UTY: variants seen among roughly 807,000 people sequenced by gnomAD.
The protein encoded by UTY is ubiquitously transcribed tetratricopeptide repeat containing, Y-linked.
Under a neutral mutation model 32.5 loss-of-function variants are expected in UTY, and 12 were observed. The observed-to-expected ratio is 0.37, with a 90% CI of 0.24 to 0.60. The LOEUF (loss-of-function observed/expected upper bound fraction) is 0.60, where lower values mean the gene tolerates loss of function less well. Ranked by LOEUF, UTY falls within the 20% of genes least tolerant of loss-of-function variation. UTY has a pLI of 0.69. For synonymous variants in UTY, 131 were observed against 103.4 expected, an observed-to-expected ratio of 1.27 and a Z score of -1.62; for missense variants, 303 against 299.2, an observed-to-expected ratio of 1.01 and a Z score of -0.09.
chrY:13,255,292 G>T (rs2054623358), intron 28 of UTY, among the ~76,000 whole-genome samples: 1 of 33,207 alleles, frequency 3.0e-5, no homozygotes. Context: ...GCATAAAATG[G>T]GTTATGTCCC....
chrY:13,451,412 G>GA (rs2150086165), intron 3 of UTY, among the ~76,000 whole-genome samples: 1 of 31,014 alleles, frequency 3.2e-5, no homozygotes, highest in East Asian at 8.4e-4. Flanking sequence ...ACAACTGTCA[G>GA]AAAAAAAAAG....
intron 6 of UTY, among the ~76,000 whole-genome samples, chrY:13,397,852 A>T: frequency 3.0e-5 from 1 of 33,174 alleles, no homozygotes; most frequent in African/African-American, 1.2e-4. Context: ...TAGGTCCTAA[A>T]ACTCTTTTAA....
At chrY:13,443,055 C>T in intron 4 of UTY, among the ~76,000 whole-genome samples, 1 of 33,349 alleles carries the variant, frequency 3.0e-5, no homozygotes, top group Non-Finnish European at 7.4e-5. Flanking sequence ...TGTGCATCAT[C>T]AGGAACAGGT....
intron 4 of UTY, among the ~76,000 whole-genome samples, chrY:13,434,458 C>A (rs2074346707): frequency 3.0e-5 from 1 of 33,813 alleles, no homozygotes; most frequent in African/African-American, 1.2e-4. Context: ...TCCTTGCCCT[C>A]CCAACGTAGG....
At chrY:13,421,636 A>G (rs1025497577) in intron 4 of UTY, among the ~76,000 whole-genome samples, 1 of 33,648 alleles carries the variant, frequency 3.0e-5, no homozygotes, top group Middle Eastern at 0.014. Flanking sequence ...TGGAACATTA[A>G]GCAGCCATAA....
intron 27 of UTY, among the ~76,000 whole-genome samples, chrY:13,277,024 A>G: frequency 2.9e-5 from 1 of 34,071 alleles, no homozygotes; most frequent in Non-Finnish European, 7.3e-5. Flanking sequence ...AAGTTCTTCA[A>G]ATTGAAACAA....
intron 10 of UTY, among the ~76,000 whole-genome samples, chrY:13,362,190 T>C: frequency 8.9e-5 from 3 of 33,653 alleles, no homozygotes; most frequent in Non-Finnish European, 2.2e-4. Flanking sequence ...AAACTTTCCC[T>C]TTAATGCAAC....
intron 27 of UTY, among the ~76,000 whole-genome samples, chrY:13,284,893 G>C: frequency 2.9e-5 from 1 of 34,543 alleles, no homozygotes; most frequent in Non-Finnish European, 7.3e-5. Context: ...CAGAGGCCCT[G>C]ATTGTCCCCC....
intron 28 of UTY, among the ~76,000 whole-genome samples, chrY:13,253,306 G>A: frequency 2.1e-4 from 7 of 33,459 alleles, no homozygotes; most frequent in African/African-American, 8.2e-4. Flanking sequence ...ACCAGCTAAA[G>A]CTAAAGCGGC....
At chrY:13,274,516 G>A (rs771921959) in intron 27 of UTY, among the ~76,000 whole-genome samples, 55 of 32,372 alleles carry the variant, frequency 1.7e-3, no homozygotes, top group Non-Finnish European at 2.6e-3. Flanking sequence ...AATAGGCCAG[G>A]TGCAGTGGCT....
At chrY:13,292,007 C>T (rs2057780080) in intron 27 of UTY, among the ~76,000 whole-genome samples, 1 of 33,141 alleles carries the variant, frequency 3.0e-5, no homozygotes, top group Non-Finnish European at 7.4e-5. Flanking sequence ...AAACTGAAAG[C>T]CTTTCCTTTA....
chrY:13,461,919 C>A (rs2077404494), intron 3 of UTY, among the ~76,000 whole-genome samples: 2 of 33,448 alleles, frequency 6.0e-5, no homozygotes, highest in Non-Finnish European at 1.5e-4. Flanking sequence ...CAGGCATGAG[C>A]CACCATGCCC....
chrY:13,403,744 A>T (rs997086376), intron 6 of UTY, among the ~76,000 whole-genome samples: 3 of 32,956 alleles, frequency 9.1e-5, no homozygotes, highest in Non-Finnish European at 2.2e-4. Flanking sequence ...CTAATCTTTA[A>T]TAAATTCCTT....
intron 7 of UTY, among the ~76,000 whole-genome samples, chrY:13,395,713 T>G (rs998096395): frequency 8.9e-4 from 26 of 29,249 alleles, no homozygotes; most frequent in Non-Finnish European, 1.6e-3. Context: ...AACCAAAAAC[T>G]ATGTCCCATA....
intron 3 of UTY, among the ~76,000 whole-genome samples, chrY:13,452,862 G>A (rs2076439041): frequency 5.9e-5 from 2 of 33,683 alleles, no homozygotes; most frequent in African/African-American, 1.2e-4. Flanking sequence ...TTATCCAAAT[G>A]TGAGTGAAAA....
chrY:13,336,368 G>A, intron 17 of UTY, 33 bp from the exon 18 acceptor site: 1 of 361,271 alleles, frequency 2.8e-6, no homozygotes, highest in South Asian at 3.2e-5. Flanking sequence ...TAATATCATG[G>A]GAGCTGAAAT....
At chrY:13,241,997 G>A (rs926887578) in intron 28 of UTY, among the ~76,000 whole-genome samples, 3 of 32,727 alleles carry the variant, frequency 9.2e-5, no homozygotes, top group Admixed American at 2.8e-4. Context: ...CCTGCGAGGC[G>A]GAGGTTGCAG....
At chrY:13,451,633 T>C in intron 3 of UTY, among the ~76,000 whole-genome samples, 1 of 33,049 alleles carries the variant, frequency 3.0e-5, no homozygotes, top group Non-Finnish European at 7.5e-5. Flanking sequence ...TAGAACGGGA[T>C]CTGTGTACTG....
intron 27 of UTY, among the ~76,000 whole-genome samples, chrY:13,263,400 A>G: frequency 3.0e-5 from 1 of 33,744 alleles, no homozygotes; most frequent in East Asian, 7.7e-4. Flanking sequence ...GACCACATAA[A>G]TGAGAATCTG....
Sources: gnomAD v4.1 joint callset for allele counts (sites outside exome capture counted in the v4.1 genomes callset) on GRCh38, gnomAD v4.1.1 for gene constraint, MANE v1.5 for transcripts, NCBI Gene and HGNC (gene_info 2026-07-23, HGNC 2026-07-21) for gene names.